Variants in PRKN observed in about 807,000 individuals in gnomAD.
The protein encoded by PRKN is parkin RBR E3 ubiquitin protein ligase.
A neutral mutation model predicts 59.5 loss-of-function variants in PRKN; 56 were observed. The observed-to-expected ratio is 0.94, with a 90% CI of 0.76 to 1.18. The LOEUF (loss-of-function observed/expected upper bound fraction) is 1.18. Among genes scored for constraint, PRKN ranks in the 50% most tolerant of loss-of-function variants. The pLI, the probability that PRKN is intolerant of heterozygous loss-of-function variation, is 0.00. For missense variants in PRKN, 657 were observed against 596.4 expected, an observed-to-expected ratio of 1.10 and a Z score of -1.06; for synonymous variants, 250 against 222.1, an observed-to-expected ratio of 1.13 and a Z score of -1.12.
At chr6:161,805,452 G>GCACACACACACACACACACACA (rs1554310490) in intron 6 of PRKN, among the ~76,000 whole-genome samples, 2 of 39,128 alleles carry the variant, frequency 5.1e-5, no homozygotes, top group African/African-American at 8.6e-5. Context: ...GTACACACAT[G>GCACACACACACACACACACACA]CACACACACA....
chr6:162,262,155 T>C (rs934396816), intron 3 of PRKN, among the ~76,000 whole-genome samples: 1 of 152,194 alleles, frequency 6.6e-6, no homozygotes, highest in Non-Finnish European at 1.5e-5. Context: ...GGTGGTAGCA[T>C]AGAGAGAAGG....
At chr6:162,410,383 G>A (rs919655995) in intron 2 of PRKN, among the ~76,000 whole-genome samples, 3 of 152,066 alleles carry the variant, frequency 2.0e-5, no homozygotes, top group African/African-American at 7.2e-5. Flanking sequence ...TCCAAAAAAT[G>A]TGCCACTGAA....
chr6:162,471,492 T>G (rs1316405005), intron 1 of PRKN, among the ~76,000 whole-genome samples: 2 of 152,164 alleles, frequency 1.3e-5, no homozygotes, highest in Non-Finnish European at 2.9e-5. Flanking sequence ...CGCTATATGT[T>G]CTCCTTTCCT....
At chr6:161,665,006 T>C (rs1034442132) in intron 7 of PRKN, among the ~76,000 whole-genome samples, 3 of 151,986 alleles carry the variant, frequency 2.0e-5, no homozygotes, top group African/African-American at 7.2e-5. Context: ...CAGGCTGGTC[T>C]CGAACTCCTG....
chr6:161,625,993 T>C (rs1783070046), intron 7 of PRKN, among the ~76,000 whole-genome samples: 1 of 152,202 alleles, frequency 6.6e-6, no homozygotes, highest in Admixed American at 6.5e-5. Flanking sequence ...TAAAGGCTGA[T>C]TAAAAGCAGC....
At chr6:161,431,866 T>C (rs1788662193) in intron 9 of PRKN, among the ~76,000 whole-genome samples, 1 of 152,166 alleles carries the variant, frequency 6.6e-6, no homozygotes, top group South Asian at 2.1e-4. Context: ...ACACCCGCCT[T>C]AGCCTCCCAA....
chr6:162,503,624 A>G (rs1445210986), intron 1 of PRKN, among the ~76,000 whole-genome samples: 1 of 152,236 alleles, frequency 6.6e-6, no homozygotes, highest in Non-Finnish European at 1.5e-5. Flanking sequence ...ATAGTTTAGT[A>G]TTTAAACCAT....
Position 161,530,975 on chromosome 6 carries a change from C to T in PRKN, c.1083+17879G>A, listed in dbSNP as rs1779183195. Among the ~76,000 whole-genome samples, 1 of 152,166 alleles carries T rather than the reference C, an allele frequency of 6.6e-6. No individual in the cohort carries two copies. Among genetic ancestry groups the T allele is most frequent in the East Asian group, 1.9e-4 (1 of 5,192 alleles). ...ATTTCAGTTTCATATTTTCAACTACCTACGGGATATTTTATTGCTTCAAAC... is the reference window on the plus strand; with the variant it reads ...ATTTCAGTTTCATATTTTCAACTACTTACGGGATATTTTATTGCTTCAAAC... On this transcript the variant is annotated intron_variant, in intron 9 of 11. Coordinates refer to ENST00000366898, the MANE Select transcript of PRKN (RefSeq NM_004562.3). This position sits in a 1 kb window ranked among gnomAD's most constrained non-coding sequence, Gnocchi z 5.0.
At chr6:162,048,210 T>G (rs151233408) in intron 5 of PRKN, among the ~76,000 whole-genome samples, 1 of 152,216 alleles carries the variant, frequency 6.6e-6, no homozygotes, top group Non-Finnish European at 1.5e-5. Context: ...AAAAATATTA[T>G]AGCTTGTGTA....
At chr6:161,647,313 C>T (rs1783993654) in intron 7 of PRKN, among the ~76,000 whole-genome samples, 1 of 152,196 alleles carries the variant, frequency 6.6e-6, no homozygotes, top group Non-Finnish European at 1.5e-5. Context: ...ATGACAGGGG[C>T]AGAGCAAAAA....
rs900726074 is a variant in PRKN at position 161,355,351 on chromosome 6, G to A, written c.1285+4737C>T. 6.6e-6 allele frequency among the ~76,000 whole-genome samples: 1 copy of A among 152,132 alleles called. No individual in the cohort carries two copies. Among genetic ancestry groups the A allele is most frequent in the Non-Finnish European group, 1.5e-5 (1 of 68,040 alleles). ...TCTATGTTATTTTATTAAAAAGATC[G>A]GTTTATGTGTATATCTCTAAACTTT... On this transcript the variant is annotated intron_variant, in intron 11 of 11. Transcript: ENST00000366898. This position sits in a 1 kb window ranked among gnomAD's most constrained non-coding sequence, Gnocchi z 6.8.
At chr6:162,393,155 C>CTGTTTTTTTTTTTTTT (rs1787290048) in intron 2 of PRKN, among the ~76,000 whole-genome samples, 1 of 80,172 alleles carries the variant, frequency 1.2e-5, no homozygotes, top group East Asian at 5.9e-4. Context: ...ATAGGAGATT[C>CTGTTTTTTTTTTTTTT]TTTTTTTTTT....
At chr6:162,017,840 A>G (rs1782985236) in intron 5 of PRKN, among the ~76,000 whole-genome samples, 1 of 152,026 alleles carries the variant, frequency 6.6e-6, no homozygotes, top group Admixed American at 6.6e-5. Context: ...TTTGATTTCT[A>G]TAAGACAAGC....
At chr6:162,488,368 A>T (rs1477143319) in intron 1 of PRKN, among the ~76,000 whole-genome samples, 1 of 152,162 alleles carries the variant, frequency 6.6e-6, no homozygotes, top group Admixed American at 6.6e-5. Flanking sequence ...ATTATTGAAA[A>T]GCAAGTGCCA....
At chr6:162,465,481 T>C (rs1299550419) in intron 1 of PRKN, among the ~76,000 whole-genome samples, 1 of 152,148 alleles carries the variant, frequency 6.6e-6, no homozygotes, top group East Asian at 1.9e-4. Flanking sequence ...ATAGTGTCAG[T>C]GAAAATGTTG....
At chr6:161,570,214 A>G (rs1319420521) in intron 7 of PRKN, among the ~76,000 whole-genome samples, 1 of 144,662 alleles carries the variant, frequency 6.9e-6, no homozygotes, top group Non-Finnish European at 1.5e-5. Context: ...AAAATATTAT[A>G]TAATTATATT....
intron 7 of PRKN, among the ~76,000 whole-genome samples, chr6:161,647,179 T>C (rs981791592): frequency 4.6e-5 from 7 of 152,200 alleles, no homozygotes; most frequent in Non-Finnish European, 1.0e-4. Context: ...CACCGAACCC[T>C]TCCCTGAGAC....
intron 1 of PRKN, among the ~76,000 whole-genome samples, chr6:162,711,478 G>A (rs1387266292): frequency 5.4e-5 from 8 of 149,064 alleles, no homozygotes; most frequent in African/African-American, 1.2e-4. Context: ...GAACTATTCC[G>A]CTGTGCCGAT....
At chr6:161,826,573 G>A (rs1583213516) in intron 6 of PRKN, among the ~76,000 whole-genome samples, 1 of 152,146 alleles carries the variant, frequency 6.6e-6, no homozygotes, top group Non-Finnish European at 1.5e-5. Context: ...TTCTCCTATG[G>A]AAGGAGGTGA....
Sources: allele counts gnomAD v4.1 joint callset (sites outside exome capture counted in the v4.1 genomes callset), GRCh38; gene constraint gnomAD v4.1.1; non-coding constraint Gnocchi (gnomAD v3.1); transcripts MANE v1.5; gene names NCBI Gene and HGNC (gene_info 2026-07-23, HGNC 2026-07-21).